Variants in MDM4 observed in about 807,000 individuals in gnomAD.
The protein encoded by MDM4 is protein Mdm4.
MDM4 carries 2 observed loss-of-function variants against 60.2 expected under a neutral mutation model. That is an observed-to-expected ratio of 0.03 (90% CI 0.01 to 0.10). MDM4 has a LOEUF of 0.10. Ranked by LOEUF, MDM4 falls within the 10% of genes least tolerant of loss-of-function variation. The pLI is 1.00. For synonymous variants in MDM4, 202 were observed against 198.1 expected, an observed-to-expected ratio of 1.02 and a Z score of -0.17; for missense variants, 447 against 577.5, an observed-to-expected ratio of 0.77 and a Z score of 2.32.
At chr1:204,533,571 T>TGATCTTGA (rs994647540) in intron 5 of MDM4, among the ~76,000 whole-genome samples, 4 of 152,198 alleles carry the variant, frequency 2.6e-5, no homozygotes, top group Non-Finnish European at 4.4e-5. Flanking sequence ...TTGCTCAGGC[T>TGATCTTGA]GATCTTGAGC....
intron 3 of MDM4, chr1:204,529,522 G>A (rs1310099152): frequency 2.6e-6 from 4 of 1,510,198 alleles, no homozygotes; most frequent in Middle Eastern, 4.5e-4. Context: ...CTACCAGCTG[G>A]TGGTCCATAA....
intron 5 of MDM4, among the ~76,000 whole-genome samples, chr1:204,534,562 A>G (rs1388114073): frequency 6.6e-6 from 1 of 152,116 alleles, no homozygotes; most frequent in Non-Finnish European, 1.5e-5. Flanking sequence ...ATCTCGGCTC[A>G]CTGCAACCTC....
At chr1:204,526,285 A>G (rs1660139331) in intron 2 of MDM4, 75 bp from the exon 3 acceptor site, 1 of 1,303,882 alleles carries the variant, frequency 7.7e-7, no homozygotes, top group East Asian at 2.4e-5. Context: ...AGCTGTTTAA[A>G]GAGGTTCTCT....
In MDM4 at chr1:204,538,052, G is replaced by C. The variant is rs1194112198; in HGVS notation, c.412-157G>C. ...TTTGCTCACAGTGGGTTGAGGAGAG[G>C]TGTTGCCTTTATTTGATGACTGTTG... is the stretch of plus-strand genomic sequence containing the variant. On this transcript the variant is annotated intron_variant, in intron 6 of 10. Coordinates refer to ENST00000367182, the MANE Select transcript of MDM4 (RefSeq NM_002393.5). The C allele has an allele frequency of 1.3e-5, 10 of 769,304 alleles. No individual in the cohort carries two copies. The Admixed American group carries it at 1.6e-4, about 12-fold the overall frequency. The allele number at this position is 769,304 out of a possible 1,614,324, so 47.7% of individuals were successfully genotyped here.
rs762533206 is a variant in MDM4 at position 204,525,478 on chromosome 1, ATTTAG to A, written c.-35-2_-33del. On this transcript the variant is annotated splice_acceptor_variant and splice_polypyrimidine_tract_variant and intron_variant, in intron 1 of 10. Transcript: ENST00000367182. LOFTEE classifies it low-confidence loss of function (5UTR_SPLICE). ...ATAGATGTTATAAATTTTTTTTTCT[ATTTAG>A]TTTTACCAACAGACTGCAGTTTCTT... 1 of 1,572,656 alleles carries A rather than the reference ATTTAG, an allele frequency of 6.4e-7. No individual in the cohort carries two copies. The highest frequency in any genetic ancestry group is 8.6e-7 in the Non-Finnish European group (1 of 1,167,700).
intron 9 of MDM4, 43 bp from the exon 10 acceptor site, chr1:204,546,754 A>G (rs767392912): frequency 3.7e-6 from 5 of 1,368,900 alleles, no homozygotes; most frequent in East Asian, 4.6e-5. Context: ...AGCCTCATCT[A>G]AAACAAGTAA....
In MDM4 at chr1:204,554,571, T is replaced by C. The variant is rs1297902423; in HGVS notation, c.*4889T>C. ...TGGAATTTTGCACTGCCATAGGGAA[T>C]GTTAAGGTTACTTGGCTGGAATTTA... On this transcript the variant is annotated 3_prime_UTR_variant, in exon 11 of 11. Coordinates refer to ENST00000367182, the MANE Select transcript of MDM4 (RefSeq NM_002393.5). 1.3e-5 allele frequency: 3 copies of C among 226,174 alleles called. No individual in the cohort carries two copies. The highest frequency in any genetic ancestry group is 5.7e-5 in the Admixed American group (1 of 17,524). 14.0% of individuals were successfully genotyped at this position (226,174 alleles called of 1,614,324 possible).
At position 204,557,261 on chromosome 1, in the gene MDM4, C is replaced by G. The variant is rs1663591877; in HGVS notation, c.*7579C>G. On this transcript the variant is annotated 3_prime_UTR_variant, in exon 11 of 11. Transcript: ENST00000367182. ...ATTACTGCAGGCCCTTTTACCCATG[C>G]TTCTAGTTTAGGTATTCTTTCTTTG... 1.6e-5 allele frequency: 3 copies of G among 191,682 alleles called. No individual in the cohort carries two copies. In the South Asian group the frequency reaches 5.8e-4, roughly 37 times the overall value. 11.9% of individuals were successfully genotyped at this position (191,682 alleles called of 1,614,324 possible). A position where few individuals can be genotyped will look rare whatever the true frequency, so the allele number is the denominator to read the frequency against.
At chr1:204,522,294 C>T (rs574468160) in intron 1 of MDM4, among the ~76,000 whole-genome samples, 64 of 152,186 alleles carry the variant, frequency 4.2e-4, no homozygotes, top group Non-Finnish European at 8.5e-4. Context: ...TGTGCCACTG[C>T]ACTCCAGCCT....
chr1:204,555,158 CTT>C lies in MDM4; in HGVS notation c.*5490_*5491del, dbSNP rs1229133778. 667 of 166,788 alleles carry C rather than the reference CTT, an allele frequency of 4.0e-3. No homozygotes were observed. Among genetic ancestry groups the C allele is most frequent in the Middle Eastern group, 0.016 (7 of 432 alleles). The allele number at this position is 166,788 out of a possible 1,614,324, so 10.3% of individuals were successfully genotyped here. On this transcript the variant is annotated 3_prime_UTR_variant, in exon 11 of 11. Coordinates refer to ENST00000367182, the MANE Select transcript of MDM4 (RefSeq NM_002393.5). ...GGACAGTTAGTAGAACTCTCCATTTCTTTTTTTTTTTTTTTAGACGGAGTCTC... is the reference window on the plus strand; with the variant it reads ...GGACAGTTAGTAGAACTCTCCATTTCTTTTTTTTTTTTTAGACGGAGTCTC...
Position 204,553,442 on chromosome 1 carries a change from T to C in MDM4, c.*3760T>C, listed in dbSNP as rs1339152585. 4.4e-6 allele frequency: 1 copy of C among 225,894 alleles called. No homozygotes were observed. The allele number at this position is 225,894 out of a possible 1,614,324, so 14.0% of individuals were successfully genotyped here. ...TCTTTCTGCATGTCCCCTTTCACTT[T>C]CAAACCTCTTCATTTGGATGTTAAA... is the stretch of plus-strand genomic sequence containing the variant. On this transcript the variant is annotated 3_prime_UTR_variant, in exon 11 of 11. Coordinates refer to ENST00000367182, the MANE Select transcript of MDM4 (RefSeq NM_002393.5).
chr1:204,532,644 A>AT (rs1156413521), intron 5 of MDM4: 21 of 887,730 alleles, frequency 2.4e-5, no homozygotes, highest in Non-Finnish European at 2.7e-5. Flanking sequence ...AATACCTTGT[A>AT]TTTTTGTCTT....
At position 204,554,182 on chromosome 1, in the gene MDM4, T is replaced by C. The variant is rs1663406021; in HGVS notation, c.*4500T>C. 8.8e-6 allele frequency: 2 copies of C among 227,080 alleles called. No homozygotes were observed. The highest frequency in any genetic ancestry group is 2.2e-5 in the African/African-American group (1 of 45,028). 14.1% of individuals were successfully genotyped at this position (227,080 alleles called of 1,614,324 possible). ...TGGTGAATATTCTTCTGATCTATAA[T>C]ACAAAGCTATGTAATGTTACCTCTT... On this transcript the variant is annotated 3_prime_UTR_variant, in exon 11 of 11. Transcript: ENST00000367182.
chr1:204,522,120 C>T (rs1659629270), intron 1 of MDM4, among the ~76,000 whole-genome samples: 1 of 151,850 alleles, frequency 6.6e-6, no homozygotes. Context: ...TCACTTGAGC[C>T]CAGGAGTTTG....
At chr1:204,521,936 C>A (rs1307392091) in intron 1 of MDM4, among the ~76,000 whole-genome samples, 1 of 152,090 alleles carries the variant, frequency 6.6e-6, no homozygotes, top group Non-Finnish European at 1.5e-5. Flanking sequence ...ATAGGGAATA[C>A]AAGCGGTTGG....
At chr1:204,529,435 C>T (rs1319360982) in intron 3 of MDM4, 2 of 1,495,278 alleles carry the variant, frequency 1.3e-6, no homozygotes, top group Non-Finnish European at 1.9e-6. Flanking sequence ...TAGGGGCCCC[C>T]TGGAGCTGTA....
intron 1 of MDM4, chr1:204,525,243 CTG>C (rs1215555320): frequency 2.7e-6 from 2 of 749,218 alleles, no homozygotes; most frequent in South Asian, 5.9e-5. Flanking sequence ...GTGCCTGAAA[CTG>C]TTACTGTTTC....
chr1:204,523,506 CAG>C (rs1354620300), intron 1 of MDM4, among the ~76,000 whole-genome samples: 3 of 40,068 alleles, frequency 7.5e-5, no homozygotes, highest in Admixed American at 7.4e-4. Context: ...TTTTTTGCGA[CAG>C]GGTATCGCTT....
chr1:204,543,429 A>C (rs1171795962), intron 8 of MDM4, among the ~76,000 whole-genome samples: 1 of 152,162 alleles, frequency 6.6e-6, no homozygotes, highest in Admixed American at 6.5e-5. Context: ...ACTTCCTGTC[A>C]TTCTTCTTTG....
Sources: allele counts gnomAD v4.1 joint callset (sites outside exome capture counted in the v4.1 genomes callset), GRCh38; gene constraint gnomAD v4.1.1; transcripts MANE v1.5; gene names NCBI Gene and HGNC (gene_info 2026-07-23, HGNC 2026-07-21).